The following CREB5 variants were observed in gnomAD, a reference collection of about 807,000 sequenced individuals.
The protein encoded by CREB5 is cyclic AMP-responsive element-binding protein 5.
In CREB5, 19 loss-of-function variants were observed where a neutral mutation model predicts 57.1. The observed-to-expected ratio is 0.33, with a 90% CI of 0.23 to 0.49. CREB5 has a LOEUF of 0.49. Among genes scored for constraint, CREB5 ranks in the 20% least tolerant of loss-of-function variants. CREB5 has a pLI of 0.99. For missense variants in CREB5, 579 were observed against 671.6 expected, an observed-to-expected ratio of 0.86 and a Z score of 1.52; for synonymous variants, 238 against 238.3, an observed-to-expected ratio of 1.00 and a Z score of 0.01.
rs200316880 is a variant in CREB5 at position 28,402,265 on chromosome 7, T to A, written c.-24-92641T>A. On this transcript the variant is annotated intron_variant, in intron 1 of 9. Coordinates refer to the CREB5 transcript ENST00000396299. The stretch of plus-strand genomic sequence containing the variant: ...CCCACTTTTTGATGGGGTTCTTTGA[T>A]TTTTTTCTTGTAAATTTGTTTACGT... 1.2e-4 allele frequency among the ~76,000 whole-genome samples: 19 copies of A among 152,274 alleles called. 1 individual carries two copies. In the East Asian group the frequency reaches 3.7e-3, roughly 29 times the overall value.
intron 5 of CREB5, among the ~76,000 whole-genome samples, chr7:28,589,845 G>A (rs917811371): frequency 6.6e-6 from 1 of 152,168 alleles, no homozygotes; most frequent in Non-Finnish European, 1.5e-5. Context: ...AAAGGGCTGT[G>A]TGAAGCTTCC....
At chr7:28,357,538 G>A (rs371999252) in intron 1 of CREB5, among the ~76,000 whole-genome samples, 31 of 152,098 alleles carry the variant, frequency 2.0e-4, no homozygotes, top group Non-Finnish European at 4.0e-4. Flanking sequence ...AATTTTTTTC[G>A]TGGGTCTTTT....
At chr7:28,700,234 G>GCA (rs145683646) in intron 5 of CREB5, among the ~76,000 whole-genome samples, 35 of 151,912 alleles carry the variant, frequency 2.3e-4, no homozygotes, top group Admixed American at 2.3e-3. Flanking sequence ...ACGCGCACAA[G>GCA]CACACACACA....
At chr7:28,815,509 C>T (rs760928739) in intron 9 of CREB5, among the ~76,000 whole-genome samples, 22 of 152,160 alleles carry the variant, frequency 1.4e-4, no homozygotes, top group Non-Finnish European at 2.5e-4. Flanking sequence ...GCCAGGGCAC[C>T]ACATGTGCTG....
intron 1 of CREB5, among the ~76,000 whole-genome samples, chr7:28,318,727 C>T (rs1416687997): frequency 6.6e-6 from 1 of 152,116 alleles, no homozygotes; most frequent in Non-Finnish European, 1.5e-5. Context: ...TCTAGTTCTA[C>T]AGAATGAAAT....
chr7:28,515,890 CAG>C (rs5883146), intron 4 of CREB5, among the ~76,000 whole-genome samples: 81,595 of 148,814 alleles, frequency 0.55, 22,263 homozygotes, highest in Admixed American at 0.6. Context: ...CAAAAACTAA[CAG>C]AAATGTTTAA....
intron 1 of CREB5, among the ~76,000 whole-genome samples, chr7:28,438,779 A>G (rs1299490311): frequency 1.3e-5 from 2 of 152,178 alleles, no homozygotes; most frequent in African/African-American, 4.8e-5. Flanking sequence ...GGATTTAGCA[A>G]TTGCCGTAAG....
At chr7:28,641,397 C>T (rs1798654248) in intron 5 of CREB5, among the ~76,000 whole-genome samples, 1 of 152,146 alleles carries the variant, frequency 6.6e-6, no homozygotes, top group Non-Finnish European at 1.5e-5. Context: ...AGTCCCCTTG[C>T]AAAATCCATT....
At chr7:28,382,911 A>T (rs1472577018) in intron 1 of CREB5, among the ~76,000 whole-genome samples, 1 of 152,138 alleles carries the variant, frequency 6.6e-6, no homozygotes, top group Non-Finnish European at 1.5e-5. Context: ...GAACCAGTGA[A>T]AATCGCCTGG....
chr7:28,640,908 T>A (rs1413649550), intron 5 of CREB5, among the ~76,000 whole-genome samples: 1 of 152,208 alleles, frequency 6.6e-6, no homozygotes, highest in Non-Finnish European at 1.5e-5. Context: ...TTGTTTTCCC[T>A]GAGAGCCAGT....
intron 7 of CREB5, among the ~76,000 whole-genome samples, chr7:28,767,041 A>G (rs1210736304): frequency 6.6e-6 from 1 of 152,210 alleles, no homozygotes; most frequent in Admixed American, 6.5e-5. Context: ...TCTTTGTTTT[A>G]ACAAAGAGTA....
At chr7:28,784,712 A>T (rs1807209956) in intron 7 of CREB5, among the ~76,000 whole-genome samples, 1 of 152,122 alleles carries the variant, frequency 6.6e-6, no homozygotes, top group South Asian at 2.1e-4. Flanking sequence ...AGCCCACAGG[A>T]TTCTTGTTAA....
intron 4 of CREB5, among the ~76,000 whole-genome samples, chr7:28,560,969 TGTGC>T (rs1467063944): frequency 1.6e-4 from 4 of 24,972 alleles, no homozygotes; most frequent in East Asian, 1.6e-3. Flanking sequence ...TGCGTGTGTG[TGTGC>T]GTGTGTGCGT....
At chr7:28,692,175 G>GACTCC (rs1471165752) in intron 5 of CREB5, among the ~76,000 whole-genome samples, 3 of 97,412 alleles carry the variant, frequency 3.1e-5, no homozygotes, top group African/African-American at 1.3e-4. Context: ...CACAGAGCGA[G>GACTCC]ACTCCGTCTC....
chr7:28,678,239 T>A (rs1800411133), intron 5 of CREB5, among the ~76,000 whole-genome samples: 1 of 151,932 alleles, frequency 6.6e-6, no homozygotes, highest in Admixed American at 6.6e-5. Flanking sequence ...AATGCAAAAA[T>A]TAGCTGGGTG....
At chr7:28,660,907 C>T (rs1799586127) in intron 5 of CREB5, among the ~76,000 whole-genome samples, 1 of 152,156 alleles carries the variant, frequency 6.6e-6, no homozygotes, top group South Asian at 2.1e-4. Flanking sequence ...CAAACCTCTC[C>T]CTTAGACACT....
At chr7:28,393,842 A>T (rs1206652427) in intron 1 of CREB5, among the ~76,000 whole-genome samples, 1 of 152,152 alleles carries the variant, frequency 6.6e-6, no homozygotes, top group Non-Finnish European at 1.5e-5. Context: ...TGGGAGGCCA[A>T]GGTAGGTGGA....
chr7:28,593,244 G>T (rs1029030123), intron 5 of CREB5, among the ~76,000 whole-genome samples: 2 of 152,034 alleles, frequency 1.3e-5, no homozygotes, highest in Non-Finnish European at 2.9e-5. Context: ...TTTTTTAAAA[G>T]ATTTTTATTT....
intron 5 of CREB5, among the ~76,000 whole-genome samples, chr7:28,659,932 G>A (rs1799532521): frequency 6.6e-6 from 1 of 152,174 alleles, no homozygotes; most frequent in African/African-American, 2.4e-5. Flanking sequence ...AATAAGAACA[G>A]TAGAGAAAAG....
Sources: gnomAD v4.1 joint callset for allele counts (sites outside exome capture counted in the v4.1 genomes callset) on GRCh38, gnomAD v4.1.1 for gene constraint, MANE v1.5 for transcripts, NCBI Gene and HGNC (gene_info 2026-07-23, HGNC 2026-07-21) for gene names.